XPR1: variants seen among roughly 807,000 people sequenced by gnomAD.
XPR1 encodes xenotropic and polytropic retrovirus receptor 1.
Under a neutral mutation model 87.5 loss-of-function variants are expected in XPR1, and 28 were observed. That is an observed-to-expected ratio of 0.32 (90% CI 0.24 to 0.44). The LOEUF is 0.44. Ranked by LOEUF, XPR1 falls within the 20% of genes least tolerant of loss-of-function variation. The pLI is 1.00. For missense variants in XPR1, 559 were observed against 862.3 expected, an observed-to-expected ratio of 0.65 and a Z score of 4.41; for synonymous variants, 300 against 306.1, an observed-to-expected ratio of 0.98 and a Z score of 0.21.
rs536923779 is a variant in XPR1 at position 180,812,883 on chromosome 1, C to T, written c.763+1395C>T. Among the ~76,000 whole-genome samples, 23 of 152,098 alleles carry T rather than the reference C, an allele frequency of 1.5e-4. No homozygotes were observed. In the South Asian group the frequency reaches 4.4e-3, roughly 29 times the overall value. On this transcript the variant is annotated intron_variant, in intron 7 of 14. Coordinates refer to ENST00000367590, the MANE Select transcript of XPR1 (RefSeq NM_004736.4). ...CAGACTGGTCTTGAACTCCTGACCT[C>T]GTGATCCACCCACCTCAGCCTCCCA... is the stretch of plus-strand genomic sequence containing the variant.
At chr1:180,768,065 C>CA (rs1328615757) in intron 2 of XPR1, among the ~76,000 whole-genome samples, 1 of 152,086 alleles carries the variant, frequency 6.6e-6, no homozygotes, top group Admixed American at 6.5e-5. Context: ...AGGATGGTCT[C>CA]AATCTCCTGA....
intron 1 of XPR1, among the ~76,000 whole-genome samples, chr1:180,667,355 A>C (rs139869502): frequency 3.3e-5 from 5 of 152,264 alleles, no homozygotes; most frequent in African/African-American, 9.6e-5. Context: ...ATCATGTGAT[A>C]TCCCCCCTTC....
intron 12 of XPR1, among the ~76,000 whole-genome samples, chr1:180,872,697 C>T (rs1455427867): frequency 7.0e-6 from 1 of 142,050 alleles, no homozygotes; most frequent in East Asian, 2.1e-4. Context: ...CGCACACACA[C>T]TGGCCTGCGC....
chr1:180,787,913 A>G, intron 3 of XPR1, 59 bp downstream of exon 3: 3 of 1,264,222 alleles, frequency 2.4e-6, no homozygotes, highest in Non-Finnish European at 2.3e-6. Context: ...GTACCATATC[A>G]TTGTTTAAAC....
At chr1:180,858,696 T>G (rs931128243) in intron 11 of XPR1, among the ~76,000 whole-genome samples, 3 of 152,212 alleles carry the variant, frequency 2.0e-5, no homozygotes, top group Admixed American at 2.0e-4. Flanking sequence ...CTCCTAACTT[T>G]AAATCTAGTT....
At chr1:180,853,079 C>T (rs1651917495) in intron 11 of XPR1, among the ~76,000 whole-genome samples, 1 of 152,098 alleles carries the variant, frequency 6.6e-6, no homozygotes, top group Non-Finnish European at 1.5e-5. Context: ...TACAGGCGCA[C>T]ACCAAGCCCA....
At chr1:180,807,328 G>A (rs997261561) in intron 6 of XPR1, among the ~76,000 whole-genome samples, 4 of 152,126 alleles carry the variant, frequency 2.6e-5, no homozygotes, top group African/African-American at 9.7e-5. Context: ...TGAATCTATA[G>A]AATAGCTACT....
intron 2 of XPR1, among the ~76,000 whole-genome samples, chr1:180,763,940 C>G (rs60931073): frequency 6.6e-6 from 1 of 152,166 alleles, no homozygotes; most frequent in African/African-American, 2.4e-5. Context: ...TAGGTTGTTG[C>G]TGTTGTCTAA....
intron 3 of XPR1, among the ~76,000 whole-genome samples, chr1:180,792,655 G>C (rs972231681): frequency 3.3e-5 from 5 of 152,164 alleles, no homozygotes; most frequent in African/African-American, 9.7e-5. Flanking sequence ...AGGGAATTGT[G>C]AAAGGGAGGG....
At chr1:180,705,528 T>G (rs1657527653) in intron 2 of XPR1, among the ~76,000 whole-genome samples, 2 of 152,200 alleles carry the variant, frequency 1.3e-5, no homozygotes, top group African/African-American at 4.8e-5. Flanking sequence ...AAATATGTTC[T>G]TATTAGGTTC....
chr1:180,862,788 G>C (rs1299183258), intron 11 of XPR1, among the ~76,000 whole-genome samples: 1 of 151,976 alleles, frequency 6.6e-6, no homozygotes, highest in Non-Finnish European at 1.5e-5. Flanking sequence ...CTATATCTTT[G>C]AGAAACTGAC....
chr1:180,727,242 GTTA>G (rs1230931271), intron 2 of XPR1, among the ~76,000 whole-genome samples: 2 of 152,284 alleles, frequency 1.3e-5, no homozygotes, highest in East Asian at 1.9e-4. Flanking sequence ...GCCTGAAGCG[GTTA>G]TATTGTAACT....
Position 180,776,350 on chromosome 1 carries a change from G to A in XPR1, c.122-11403G>A, listed in dbSNP as rs978355330. On this transcript the variant is annotated intron_variant, in intron 2 of 14. Transcript: ENST00000367590. ...AAACCAAATACATAAAGTAGTTATT[G>A]AATTAATTCAAGTAGTTATTGAATT... Among the ~76,000 whole-genome samples, 5 of 151,658 alleles carry A rather than the reference G, an allele frequency of 3.3e-5. No individual in the cohort carries two copies. In the East Asian group the frequency reaches 9.7e-4, roughly 29 times the overall value.
At chr1:180,639,343 ATAAT>A (rs1571665216) in intron 1 of XPR1, among the ~76,000 whole-genome samples, 2 of 152,152 alleles carry the variant, frequency 1.3e-5, no homozygotes, top group East Asian at 3.8e-4. Context: ...AAAGGAAAAT[ATAAT>A]TAATCTACTG....
chr1:180,714,344 C>G, intron 2 of XPR1, among the ~76,000 whole-genome samples: 1 of 129,564 alleles, frequency 7.7e-6, no homozygotes, highest in African/African-American at 3.0e-5. Flanking sequence ...CATATTTTTT[C>G]CCTGTTCTCT....
intron 2 of XPR1, among the ~76,000 whole-genome samples, chr1:180,706,824 T>G (rs1657575475): frequency 6.6e-6 from 1 of 152,160 alleles, no homozygotes; most frequent in Non-Finnish European, 1.5e-5. Context: ...TTTACCATGT[T>G]GGCCAGGCTG....
rs575283687 is a variant in XPR1, at chr1:180,664,725, T to C, written c.70-17635T>C. On this transcript the variant is annotated intron_variant, in intron 1 of 14. Coordinates refer to ENST00000367590, the MANE Select transcript of XPR1 (RefSeq NM_004736.4). ...ACAGCACAGGGTCCTGCCTAAGAGT[T>C]GCAGTCCTTGTGGCCTAGACCAGCA... Among the ~76,000 whole-genome samples, 9 of 152,308 alleles carry C rather than the reference T, an allele frequency of 5.9e-5. 1 individual carries two copies. The South Asian group carries it at 1.9e-3, about 32-fold the overall frequency.
At chr1:180,816,952 C>G (rs1650432198) in intron 7 of XPR1, among the ~76,000 whole-genome samples, 1 of 152,170 alleles carries the variant, frequency 6.6e-6, no homozygotes, top group Non-Finnish European at 1.5e-5. Flanking sequence ...GAGATGACAG[C>G]TCCCTGTGTG....
intron 7 of XPR1, among the ~76,000 whole-genome samples, chr1:180,816,769 C>T (rs1027095556): frequency 6.6e-6 from 1 of 152,182 alleles, no homozygotes; most frequent in Admixed American, 6.5e-5. Flanking sequence ...ACTTAAAATT[C>T]ATGTACATAA....
Sources: allele counts gnomAD v4.1 joint callset (sites outside exome capture counted in the v4.1 genomes callset), GRCh38; gene constraint gnomAD v4.1.1; transcripts MANE v1.5; gene names NCBI Gene and HGNC (gene_info 2026-07-23, HGNC 2026-07-21).